The following APOO variants were observed in gnomAD, a reference collection of about 807,000 sequenced individuals.
APOO encodes MICOS complex subunit MIC26.
In APOO, 11 loss-of-function variants were observed where a neutral mutation model predicts 23.1. The observed-to-expected ratio is 0.48, with a 90% confidence interval of 0.30 to 0.79. The LOEUF (loss-of-function observed/expected upper bound fraction) is 0.79, where lower values mean the gene tolerates loss of function less well. Among genes scored for constraint, APOO ranks in the 30% least tolerant of loss-of-function variants. APOO has a pLI of 0.07. For missense variants in APOO, 160 were observed against 142.7 expected, an observed-to-expected ratio of 1.12 and a Z score of -0.62; for synonymous variants, 59 against 54.8, an observed-to-expected ratio of 1.08 and a Z score of -0.34.
chrX:23,905,293 G>A (rs1927305752), intron 1 of APOO, among the ~76,000 whole-genome samples: 1 of 110,113 alleles, frequency 9.1e-6, no homozygotes, highest in Non-Finnish European at 1.9e-5. Flanking sequence ...CAGAGGCTGA[G>A]GCAGGAGAAT....
chrX:23,898,497 A>G (rs1336599148), intron 1 of APOO, among the ~76,000 whole-genome samples: 1 of 111,393 alleles, frequency 9.0e-6, no homozygotes, highest in Admixed American at 9.6e-5. Context: ...TCAGTTATTC[A>G]TGTGCGTTTT....
intron 7 of APOO, among the ~76,000 whole-genome samples, chrX:23,853,730 A>T (rs1924656526): frequency 9.1e-6 from 1 of 109,672 alleles, no homozygotes; most frequent in South Asian, 3.9e-4. Context: ...GGCTCATGAG[A>T]TTCTCCTGCC....
intron 4 of APOO, among the ~76,000 whole-genome samples, chrX:23,870,637 A>G (rs1351017090): frequency 9.2e-6 from 1 of 108,812 alleles, no homozygotes; most frequent in African/African-American, 3.4e-5. Flanking sequence ...AATTAAAAAA[A>G]AAAATTAGCC....
intron 7 of APOO, among the ~76,000 whole-genome samples, chrX:23,841,486 TAA>T (rs543879334): frequency 5.4e-4 from 35 of 65,073 alleles, no homozygotes; most frequent in African/African-American, 1.8e-3. Flanking sequence ...AAAAGAAGTT[TAA>T]AAAAAAAAAA....
At chrX:23,860,213 G>C (rs187053955) in intron 5 of APOO, among the ~76,000 whole-genome samples, 28 of 111,014 alleles carry the variant, frequency 2.5e-4, no homozygotes, top group African/African-American at 8.2e-4. Flanking sequence ...CAGATCCAGA[G>C]ATGGCAGGTA....
Position 23,840,397 on chromosome X carries a change from A to G in APOO, c.562-20T>C, listed in dbSNP as rs1395172724. The G allele has an allele frequency of 8.4e-7, 1 of 1,190,462 alleles. No homozygotes were observed. The highest frequency in any genetic ancestry group is 1.9e-5 in the South Asian group (1 of 53,587). On this transcript the variant is annotated intron_variant, in intron 7 of 8. Transcript: ENST00000379226. Reference sequence around the variant, plus strand: ...TCCTGGCTTTTAAAACAAAAGAAAGAGCTTGAATGCAGTTTGAAAAGAAAT... The same window carrying G: ...TCCTGGCTTTTAAAACAAAAGAAAGGGCTTGAATGCAGTTTGAAAAGAAAT...
At chrX:23,900,495 G>A (rs1927080222) in intron 1 of APOO, among the ~76,000 whole-genome samples, 2 of 109,595 alleles carry the variant, frequency 1.8e-5, no homozygotes, top group Non-Finnish European at 3.8e-5. Flanking sequence ...CCAACATGGT[G>A]AAACCCCATC....
At chrX:23,893,273 A>C (rs1237403966) in intron 1 of APOO, among the ~76,000 whole-genome samples, 4 of 107,601 alleles carry the variant, frequency 3.7e-5, no homozygotes, top group Non-Finnish European at 3.8e-5. Flanking sequence ...AAAAAAAAAA[A>C]AACAAAACAT....
At chrX:23,863,590 G>A (rs1246376193) in intron 5 of APOO, among the ~76,000 whole-genome samples, 1 of 111,596 alleles carries the variant, frequency 9.0e-6, no homozygotes, top group Non-Finnish European at 1.9e-5. Flanking sequence ...GGCAGAAAGT[G>A]ATTTTCAGAC....
chrX:23,903,845 C>T (rs1231740974), intron 1 of APOO, among the ~76,000 whole-genome samples: 1 of 111,379 alleles, frequency 9.0e-6, no homozygotes, highest in Non-Finnish European at 1.9e-5. Context: ...CTTTTCCTTC[C>T]ATCTCTCGGG....
rs1193603876 is a variant in APOO, at chrX:23,891,917, TG to T, written c.10-10966del. Among the ~76,000 whole-genome samples the T allele has an allele frequency of 2.8e-5, 3 of 108,604 alleles. No homozygotes were observed. The Admixed American group carries it at 3.0e-4, about 11-fold the overall frequency. The allele number at this position is 108,604 out of a possible 115,157, so 94.3% of individuals were successfully genotyped here. A position where few individuals can be genotyped will look rare whatever the true frequency, so the allele number is the denominator to read the frequency against. On this transcript the variant is annotated intron_variant, in intron 1 of 8. Coordinates refer to ENST00000379226, the MANE Select transcript of APOO (RefSeq NM_024122.5). ...TAGTTTAAGTATATATAATACTTTA[TG>T]TATTTCTATATATAGTTTACATTTA...
chrX:23,837,544 A>G (rs1290170527), intron 8 of APOO, among the ~76,000 whole-genome samples: 2 of 109,458 alleles, frequency 1.8e-5, no homozygotes, highest in African/African-American at 3.3e-5. Flanking sequence ...GTAAAACAAT[A>G]TGTGGAATAT....
chrX:23,861,762 C>T (rs1400009885), intron 5 of APOO, among the ~76,000 whole-genome samples: 3 of 105,888 alleles, frequency 2.8e-5, no homozygotes, highest in Non-Finnish European at 5.8e-5. Flanking sequence ...GTAGAACCTG[C>T]CCGTCAGTGG....
chrX:23,885,136 C>T (rs1926312192), intron 1 of APOO, among the ~76,000 whole-genome samples: 1 of 109,561 alleles, frequency 9.1e-6, no homozygotes, highest in Non-Finnish European at 1.9e-5. Flanking sequence ...CGGTGGCTCA[C>T]GTCTGTAATC....
At chrX:23,852,787 T>C in intron 7 of APOO, among the ~76,000 whole-genome samples, 1 of 110,916 alleles carries the variant, frequency 9.0e-6, no homozygotes, top group Middle Eastern at 4.6e-3. Flanking sequence ...TACATTTTTG[T>C]GTGTGCCTTT....
At chrX:23,875,992 G>A (rs762725713) in intron 3 of APOO, among the ~76,000 whole-genome samples, 54 of 109,977 alleles carry the variant, frequency 4.9e-4, no homozygotes, top group African/African-American at 1.7e-3. Context: ...GGCTGGGCAC[G>A]GTGGCTCACG....
chrX:23,841,113 C>A (rs1923950085), intron 7 of APOO, among the ~76,000 whole-genome samples: 1 of 111,815 alleles, frequency 8.9e-6, no homozygotes, highest in Admixed American at 9.6e-5. Context: ...GCTGGGCGGG[C>A]CATGGGGGCT....
chrX:23,858,811 C>T lies in APOO; in HGVS notation c.389-78G>A, dbSNP rs1178980875. The T allele has an allele frequency of 2.5e-5, 23 of 916,242 alleles. No homozygotes were observed. The South Asian group carries it at 3.2e-4, about 13-fold the overall frequency. The allele number at this position is 916,242 out of a possible 1,213,427, so 75.5% of individuals were successfully genotyped here. ...CACAATTTACCTTATCCATTTAATA[C>T]GGAACAAGGCCAGGCACAGTGGCTC... On this transcript the variant is annotated intron_variant, in intron 5 of 8. Coordinates refer to ENST00000379226, the MANE Select transcript of APOO (RefSeq NM_024122.5).
chrX:23,862,612 C>CT (rs1569232840), intron 5 of APOO, among the ~76,000 whole-genome samples: 1 of 94,629 alleles, frequency 1.1e-5, no homozygotes, highest in Non-Finnish European at 2.1e-5. Flanking sequence ...CCGGTCTCCA[C>CT]AAAAAAAAAA....
Sources: allele counts gnomAD v4.1 joint callset (sites outside exome capture counted in the v4.1 genomes callset), GRCh38; gene constraint gnomAD v4.1.1; transcripts MANE v1.5; gene names NCBI Gene and HGNC (gene_info 2026-07-23, HGNC 2026-07-21).